The following SBF2 variants were observed in gnomAD, a reference collection of about 807,000 sequenced individuals.
The protein encoded by SBF2 is myotubularin-related protein 13.
Under a neutral mutation model 225.2 loss-of-function variants are expected in SBF2, and 112 were observed. The ratio of observed to expected loss-of-function variants is 0.50; its 90% confidence interval spans 0.43 to 0.58. The LOEUF (loss-of-function observed/expected upper bound fraction) is 0.58. Among genes scored for constraint, SBF2 ranks in the 20% least tolerant of loss-of-function variants. The pLI, the probability that SBF2 is intolerant of heterozygous loss-of-function variation, is 0.00. For synonymous variants in SBF2, 763 were observed against 773.3 expected (o/e 0.99, Z 0.22); for missense variants, 1,996 against 2,206.2 (o/e 0.90, Z 1.91).
chr11:9,865,255 A>T (rs1201495803), intron 17 of SBF2, among the ~76,000 whole-genome samples: 2 of 152,324 alleles, frequency 1.3e-5, no homozygotes, highest in East Asian at 1.9e-4. Context: ...TCTGTAAAAA[A>T]TATTTAAAAT....
intron 2 of SBF2, among the ~76,000 whole-genome samples, chr11:10,186,580 C>A (rs1440460977): frequency 6.6e-6 from 1 of 152,148 alleles, no homozygotes; most frequent in Non-Finnish European, 1.5e-5. Flanking sequence ...CCCAAAAGCT[C>A]TCTGAGCCCT....
intron 6 of SBF2, among the ~76,000 whole-genome samples, chr11:10,022,259 G>C (rs1804441218): frequency 6.6e-6 from 1 of 152,062 alleles, no homozygotes; most frequent in Non-Finnish European, 1.5e-5. Flanking sequence ...AAAAAGCATA[G>C]GATAGAATTT....
At chr11:10,035,602 C>A (rs906073028) in intron 3 of SBF2, among the ~76,000 whole-genome samples, 2 of 152,102 alleles carry the variant, frequency 1.3e-5, no homozygotes, top group African/African-American at 2.4e-5. Context: ...CAAGTGGGCA[C>A]AGGATATGAA....
intron 1 of SBF2, among the ~76,000 whole-genome samples, chr11:10,259,202 G>C (rs545948643): frequency 6.6e-6 from 1 of 152,272 alleles, no homozygotes; most frequent in East Asian, 1.9e-4. Flanking sequence ...GGTGTTAAGA[G>C]CACAGGTTGT....
chr11:10,253,475 T>C lies in SBF2; in HGVS notation c.55+40540A>G, dbSNP rs532757951. Among the ~76,000 whole-genome samples the C allele has an allele frequency of 5.3e-5, 8 of 152,296 alleles. No homozygotes were observed. In the South Asian group the frequency reaches 1.5e-3, roughly 28 times the overall value. The stretch of plus-strand genomic sequence containing the variant: ...TTTTAACTGCTTGGAAACGCTTTTC[T>C]TAATTTCTTTTTGTTCCTGGATATA... On this transcript the variant is annotated intron_variant, in intron 1 of 39. Transcript: ENST00000256190.
intron 2 of SBF2, among the ~76,000 whole-genome samples, chr11:10,181,429 ATT>A (rs1830362499): frequency 6.6e-6 from 1 of 151,968 alleles, no homozygotes; most frequent in African/African-American, 2.4e-5. Flanking sequence ...CTTTATACAA[ATT>A]TTCCCAATTT....
At chr11:9,850,962 C>T (rs1008045558) in intron 21 of SBF2, among the ~76,000 whole-genome samples, 1 of 151,898 alleles carries the variant, frequency 6.6e-6, no homozygotes, top group Admixed American at 6.6e-5. Flanking sequence ...ATAGTGAAAC[C>T]CTGCCTCTAC....
At chr11:9,890,275 A>T (rs1012219945) in intron 17 of SBF2, among the ~76,000 whole-genome samples, 4 of 152,148 alleles carry the variant, frequency 2.6e-5, no homozygotes, top group Non-Finnish European at 4.4e-5. Flanking sequence ...GACTGTGGTG[A>T]TGGTTTTACC....
rs569416362 is a variant in SBF2 at position 10,093,014 on chromosome 11, CTTCT to C, written c.142-50037_142-50034del. Reference sequence around the variant, plus strand: ...AGTCACAATTCCTCATTTTCTTTTCCTTCTTTCTTTTTTTTTTTGTTTGAGACAG... The same window carrying C: ...AGTCACAATTCCTCATTTTCTTTTCCTTCTTTTTTTTTTTGTTTGAGACAG... On this transcript the variant is annotated intron_variant, in intron 2 of 39. Coordinates refer to ENST00000256190, the MANE Select transcript of SBF2 (RefSeq NM_030962.4). Among the ~76,000 whole-genome samples the C allele has an allele frequency of 1.9e-4, 27 of 145,488 alleles. No individual in the cohort carries two copies. The South Asian group carries it at 4.4e-3, about 24-fold the overall frequency.
Position 10,304,109 on chromosome 11 carries a change from C to T in SBF2, n.386+383G>A, listed in dbSNP as rs548730453. ...CCCCTCTCTGAGCTTGAATTTTCTA[C>T]CTGCTGAAATGGGAAAAGGAATGTT... On this transcript the variant is annotated intron_variant and non_coding_transcript_variant, in intron 1 of 5. Coordinates refer to the SBF2 transcript ENST00000685217. Among the ~76,000 whole-genome samples the T allele has an allele frequency of 5.3e-5, 8 of 152,308 alleles. No homozygotes were observed. In the South Asian group the frequency reaches 6.2e-4, roughly 12 times the overall value.
intron 16 of SBF2, among the ~76,000 whole-genome samples, chr11:9,918,499 G>A (rs971171432): frequency 6.6e-6 from 1 of 151,866 alleles, no homozygotes; most frequent in South Asian, 2.1e-4. Flanking sequence ...AACTACAGGT[G>A]CACGCCACCA....
intron 1 of SBF2, among the ~76,000 whole-genome samples, chr11:10,243,315 C>G: frequency 6.6e-6 from 1 of 151,522 alleles, no homozygotes. Context: ...TTATGGGATG[C>G]AGCAAAAGCC....
intron 1 of SBF2, among the ~76,000 whole-genome samples, chr11:10,247,622 G>C (rs1297583502): frequency 6.6e-6 from 1 of 152,054 alleles, no homozygotes; most frequent in African/African-American, 2.4e-5. Context: ...TTGAACCCAG[G>C]AGGCAGAGAT....
At chr11:10,238,840 G>A (rs1464175287) in intron 1 of SBF2, among the ~76,000 whole-genome samples, 9 of 150,920 alleles carry the variant, frequency 6.0e-5, no homozygotes, top group Non-Finnish European at 1.2e-4. Context: ...TTGAACCTGG[G>A]AGGCAGAGGT....
chr11:10,056,687 T>C (rs995399657), intron 2 of SBF2, among the ~76,000 whole-genome samples: 1 of 152,230 alleles, frequency 6.6e-6, no homozygotes, highest in Admixed American at 6.5e-5. Context: ...GGTAATCCTG[T>C]TCCTCATCAC....
chr11:10,134,078 G>A (rs1401434909), intron 2 of SBF2, among the ~76,000 whole-genome samples: 4 of 152,176 alleles, frequency 2.6e-5, no homozygotes, highest in Non-Finnish European at 5.9e-5. Flanking sequence ...TAGACTCACA[G>A]TTCCATGTGG....
intron 13 of SBF2, 149 bp downstream of exon 13, chr11:9,989,348 C>T: frequency 3.4e-6 from 2 of 595,674 alleles, no homozygotes; most frequent in East Asian, 2.8e-5. Flanking sequence ...GCAGTATATA[C>T]TGCTTGGGTG....
chr11:10,259,392 G>T (rs911831245), intron 1 of SBF2, among the ~76,000 whole-genome samples: 1 of 152,156 alleles, frequency 6.6e-6, no homozygotes, highest in Non-Finnish European at 1.5e-5. Context: ...AGAAAGCACT[G>T]AATAAATGTT....
chr11:10,179,001 A>G (rs1956604319), intron 2 of SBF2, among the ~76,000 whole-genome samples: 1 of 139,750 alleles, frequency 7.2e-6, no homozygotes, highest in African/African-American at 2.7e-5. Context: ...ACACCATGGA[A>G]TACTATGCAG....
Sources: allele counts gnomAD v4.1 joint callset (sites outside exome capture counted in the v4.1 genomes callset), GRCh38; gene constraint gnomAD v4.1.1; transcripts MANE v1.5; gene names NCBI Gene and HGNC (gene_info 2026-07-23, HGNC 2026-07-21).